The following TRPM3 variants were observed in gnomAD, a reference collection of about 807,000 sequenced individuals.
TRPM3 encodes the protein transient receptor potential cation channel subfamily M member 3.
In TRPM3, 77 loss-of-function variants were observed where a neutral mutation model predicts 181.2. The observed-to-expected ratio is 0.42, with a 90% CI of 0.35 to 0.51. The LOEUF (loss-of-function observed/expected upper bound fraction) is 0.51. Ranked by LOEUF, TRPM3 falls within the 20% of genes least tolerant of loss-of-function variation. TRPM3 has a pLI of 0.01. For missense variants in TRPM3, 1,759 were observed against 2,196.7 expected (o/e 0.80, Z 3.98); for synonymous variants, 745 against 796.4 (o/e 0.94, Z 1.09).
At chr9:70,686,706 C>CTTCT (rs781348316) in intron 8 of TRPM3, among the ~76,000 whole-genome samples, 11,832 of 99,480 alleles carry the variant, frequency 0.12, 817 homozygotes, top group Non-Finnish European at 0.15. Flanking sequence ...TCCTTCCTTC[C>CTTCT]TTCCTTCCTT....
At chr9:71,132,104 T>C (rs541728360) in intron 1 of TRPM3, among the ~76,000 whole-genome samples, 1 of 152,332 alleles carries the variant, frequency 6.6e-6, no homozygotes, top group East Asian at 1.9e-4. Context: ...GAAACCGATG[T>C]TGATGCCTCA....
Position 70,784,189 on chromosome 9 carries a change from G to A in TRPM3, c.1064C>T (p.Pro355Leu). 6.2e-7 allele frequency: 1 copy of A among 1,613,764 alleles called. No homozygotes were observed. Among genetic ancestry groups the A allele is most frequent in the Non-Finnish European group, 8.5e-7 (1 of 1,179,792 alleles). ...SIVLEYLRDT[P>L]PVPVVVCDGS... is the part of the protein sequence containing the mutation. ...ATCACAGACAACCACTGGCACGGGA[G>A]GGGTGTCTCGAAGGTACTCCAAAAC... Residue 355 changes from proline to leucine, a missense_variant, in exon 7 of 26, where the codon CCT (proline) becomes CTT (leucine). Pro to Leu is a moderately conservative substitution (Grantham distance 98). Coordinates refer to ENST00000677713, the MANE Select transcript of TRPM3 (RefSeq NM_001366145.2).
At chr9:71,133,292 C>CTTTTTT (rs761379173) in intron 1 of TRPM3, among the ~76,000 whole-genome samples, 20,100 of 71,366 alleles carry the variant, frequency 0.28, 5,036 homozygotes, top group African/African-American at 0.42. Flanking sequence ...TAGCAAATTG[C>CTTTTTT]TTTTTTTTTT....
intron 1 of TRPM3, among the ~76,000 whole-genome samples, chr9:71,185,229 G>GA (rs2077608818): frequency 6.6e-6 from 1 of 151,900 alleles, no homozygotes. Context: ...GAGATATTAG[G>GA]AAAAAAATCA....
At chr9:70,623,522 C>T (rs1443962049) in intron 14 of TRPM3, among the ~76,000 whole-genome samples, 1 of 152,158 alleles carries the variant, frequency 6.6e-6, no homozygotes, top group Non-Finnish European at 1.5e-5. Context: ...GGTTTGGCAC[C>T]ATCTTGACAT....
intron 1 of TRPM3, among the ~76,000 whole-genome samples, chr9:71,343,156 T>C (rs1223094158): frequency 4.6e-5 from 7 of 152,022 alleles, no homozygotes; most frequent in Admixed American, 4.6e-4. Context: ...CTTCCTTTAG[T>C]ATATTTTTTA....
intron 25 of TRPM3, among the ~76,000 whole-genome samples, chr9:70,546,238 T>A (rs1165906223): frequency 6.6e-6 from 1 of 152,190 alleles, no homozygotes; most frequent in Non-Finnish European, 1.5e-5. Flanking sequence ...GTTATTAAAG[T>A]ATGGTTCCCA....
At chr9:71,232,058 G>T (rs570492008) in intron 1 of TRPM3, among the ~76,000 whole-genome samples, 2 of 152,266 alleles carry the variant, frequency 1.3e-5, no homozygotes, top group South Asian at 4.1e-4. Flanking sequence ...CATTAAAGAT[G>T]CCTTCTAGTT....
chr9:71,320,178 T>C (rs1243346193), intron 1 of TRPM3, among the ~76,000 whole-genome samples: 2 of 152,008 alleles, frequency 1.3e-5, no homozygotes, highest in African/African-American at 4.8e-5. Flanking sequence ...GAGTTTCTTC[T>C]GGACCACAGC....
intron 1 of TRPM3, among the ~76,000 whole-genome samples, chr9:71,103,253 C>T (rs115852344): frequency 0.014 from 2,085 of 152,116 alleles, 58 homozygotes; most frequent in African/African-American, 0.047. Flanking sequence ...AAAGTAAATA[C>T]CCCTATTATG....
intron 8 of TRPM3, among the ~76,000 whole-genome samples, chr9:70,701,392 C>T (rs1242153082): frequency 6.6e-6 from 1 of 151,260 alleles, no homozygotes; most frequent in Non-Finnish European, 1.5e-5. Flanking sequence ...CCTCACCACT[C>T]TCACTGACTG....
At chr9:71,130,462 G>A (rs565877536) in intron 1 of TRPM3, among the ~76,000 whole-genome samples, 2 of 152,216 alleles carry the variant, frequency 1.3e-5, no homozygotes, top group Admixed American at 1.3e-4. Context: ...AACCATATAA[G>A]TAAAATTATA....
intron 6 of TRPM3, among the ~76,000 whole-genome samples, chr9:70,820,515 C>T (rs560717060): frequency 2.6e-5 from 4 of 152,248 alleles, no homozygotes; most frequent in African/African-American, 9.6e-5. Context: ...AGGCGTAAGC[C>T]ATTGCGCCGA....
intron 22 of TRPM3, among the ~76,000 whole-genome samples, chr9:70,574,915 CT>C (rs2053498302): frequency 6.6e-6 from 1 of 151,378 alleles, no homozygotes; most frequent in African/African-American, 2.4e-5. Context: ...TTTCAGTGAG[CT>C]TGTTTTTTTC....
intron 1 of TRPM3, among the ~76,000 whole-genome samples, chr9:71,433,452 C>T (rs1462792971): frequency 6.6e-6 from 1 of 152,166 alleles, no homozygotes; most frequent in African/African-American, 2.4e-5. Context: ...TTGTAAGTTT[C>T]CAGAGGCCTC....
At chr9:71,417,663 T>C (rs2093657019) in intron 1 of TRPM3, among the ~76,000 whole-genome samples, 1 of 152,038 alleles carries the variant, frequency 6.6e-6, no homozygotes, top group African/African-American at 2.4e-5. Context: ...AGGTATGAAA[T>C]AAGTGCCAAG....
intron 1 of TRPM3, among the ~76,000 whole-genome samples, chr9:71,263,869 T>C (rs1282868615): frequency 6.6e-6 from 1 of 152,106 alleles, no homozygotes; most frequent in Non-Finnish European, 1.5e-5. Flanking sequence ...AGCCTGAAAC[T>C]CCCAGGCTCA....
At chr9:71,254,510 T>A (rs972747283) in intron 1 of TRPM3, among the ~76,000 whole-genome samples, 7 of 152,204 alleles carry the variant, frequency 4.6e-5, no homozygotes, top group Non-Finnish European at 8.8e-5. Context: ...AAGTTATAAG[T>A]ATGTGAGTAA....
intron 1 of TRPM3, among the ~76,000 whole-genome samples, chr9:71,194,357 C>T (rs1184631085): frequency 6.6e-6 from 1 of 151,910 alleles, no homozygotes; most frequent in Non-Finnish European, 1.5e-5. Flanking sequence ...TTCCTTGATA[C>T]ATAGCTAGAC....
Sources: gnomAD v4.1 joint callset for allele counts (sites outside exome capture counted in the v4.1 genomes callset) on GRCh38, gnomAD v4.1.1 for gene constraint, MANE v1.5 for transcripts, NCBI Gene and HGNC (gene_info 2026-07-23, HGNC 2026-07-21) for gene names.